ZNF638: variants seen among roughly 807,000 people sequenced by gnomAD.
ZNF638 encodes the protein CTCL tumor antigen se33-1.
In ZNF638, 46 loss-of-function variants were observed where a neutral mutation model predicts 195.6. The observed-to-expected ratio is 0.24, with a 90% confidence interval of 0.19 to 0.30. ZNF638 has a LOEUF of 0.30. Ranked by LOEUF, ZNF638 falls within the 10% of genes least tolerant of loss-of-function variation. ZNF638 has a pLI of 1.00. For missense variants in ZNF638, 2,440 were observed against 2,325.3 expected, an observed-to-expected ratio of 1.05 and a Z score of -1.01; for synonymous variants, 845 against 772.0, an observed-to-expected ratio of 1.09 and a Z score of -1.57.
At chr2:71,399,963 C>G (rs2079972859) in intron 13 of ZNF638, 149 bp from the exon 14 acceptor site, 7 of 603,306 alleles carry the variant, frequency 1.2e-5, no homozygotes, top group Non-Finnish European at 1.6e-5. Context: ...GGATTGCTGT[C>G]TTTTGTTTTT....
chr2:71,404,131 C>G, intron 17 of ZNF638, 133 bp downstream of exon 17: 1 of 852,922 alleles, frequency 1.2e-6, no homozygotes, highest in South Asian at 2.0e-5. Flanking sequence ...TCTTCCTGTC[C>G]CTCCAACAAT....
At chr2:71,333,152 T>G (rs546765022) in intron 1 of ZNF638, 1 of 152,324 alleles carries the variant, frequency 6.6e-6, no homozygotes, top group South Asian at 2.1e-4. Context: ...TTGTTAATGA[T>G]TAGACATTTG....
Position 71,408,259 on chromosome 2 carries a change from C to T in ZNF638, c.3261+12C>T. On this transcript the variant is annotated intron_variant, in intron 20 of 27. Coordinates refer to ENST00000264447, the MANE Select transcript of ZNF638 (RefSeq NM_014497.5). ...TAGACTTACCAGAGGTAAGATTTAT[C>T]TTTCTTCAGCTTTTGTGATTTTAGA... The T allele has an allele frequency of 6.2e-7, 1 of 1,603,158 alleles. No individual in the cohort carries two copies. Among genetic ancestry groups the T allele is most frequent in the Non-Finnish European group, 8.5e-7 (1 of 1,176,550 alleles).
At chr2:71,429,513 A>G (rs1375387731) in intron 25 of ZNF638, among the ~76,000 whole-genome samples, 1 of 152,160 alleles carries the variant, frequency 6.6e-6, no homozygotes, top group Middle Eastern at 3.2e-3. Flanking sequence ...CTGCCAACTT[A>G]TATTTTGTTT....
intron 10 of ZNF638, chr2:71,395,760 G>A (rs2079880073): frequency 2.6e-6 from 1 of 387,580 alleles, no homozygotes; most frequent in Non-Finnish European, 4.8e-6. Context: ...CAAAATACCT[G>A]TGTCTGTGTA....
At position 71,349,303 on chromosome 2, in the gene ZNF638, A is replaced by G; in HGVS notation, c.349A>G (p.Lys117Glu). 6.2e-6 allele frequency: 10 copies of G among 1,614,198 alleles called. No homozygotes were observed. The highest frequency in any genetic ancestry group is 8.5e-6 in the Non-Finnish European group (10 of 1,180,028). ...TCATATATCTGCATCAGTGGCAGTG[A>G]AACAGAGTTCTGTAACACAGGTTAC... Reference protein sequence around the residue: ...EPHISASVAVKQSSVTQVTEQ... With the variant: ...EPHISASVAVEQSSVTQVTEQ... Residue 117 changes from lysine to glutamate, a missense_variant, in exon 2 of 28, where the codon AAA becomes GAA. By Grantham distance (56) the Lys-to-Glu change is moderately conservative. This residue lies in a region of ZNF638 where 191 missense variants were observed against 173.8 expected (regional missense o/e 1.10). Coordinates refer to ENST00000264447, the MANE Select transcript of ZNF638 (RefSeq NM_014497.5).
rs541380154 is a variant in ZNF638, at chr2:71,386,130, C to G, written c.2377+5565C>G. Among the ~76,000 whole-genome samples the G allele has an allele frequency of 1.3e-3, 192 of 151,940 alleles. 1 individual carries two copies. The highest frequency in any genetic ancestry group is 4.6e-3 in the African/African-American group (192 of 41,452). Reference sequence around the variant, plus strand: ...TTAGCATGGGCATCATAGTGAGACCCAGTCTGTATCAGAAATTAAGAAGTT... The same window carrying G: ...TTAGCATGGGCATCATAGTGAGACCGAGTCTGTATCAGAAATTAAGAAGTT... On this transcript the variant is annotated intron_variant, in intron 10 of 27. Coordinates refer to ENST00000264447, the MANE Select transcript of ZNF638 (RefSeq NM_014497.5).
intron 23 of ZNF638, 112 bp downstream of exon 23, chr2:71,424,827 A>C (rs2080505099): frequency 1.3e-6 from 1 of 768,166 alleles, no homozygotes; most frequent in Admixed American, 3.0e-5. Flanking sequence ...AGTTTAGAGC[A>C]AGGGATAGGA....
At position 71,434,772 on chromosome 2, in the gene ZNF638, G is replaced by A; in HGVS notation, c.5902G>A (p.Glu1968Lys). The part of the protein sequence containing the change: ...KFMAKQRKEK[E>K]QNEAEERSSR ...CATGGCCAAGCAAAGAAAGGAAAAGGAGCAGAATGAGGCTGAAGAAAGAAG... is the reference window on the plus strand; with the variant it reads ...CATGGCCAAGCAAAGAAAGGAAAAGAAGCAGAATGAGGCTGAAGAAAGAAG... Residue 1968 changes from glutamate (E) to lysine (K), a missense_variant, in exon 28 of 28, where the codon GAG becomes AAG. Glu to Lys is a moderately conservative substitution (Grantham distance 56). Around this residue, in one of 5 missense-constraint regions of ZNF638, gnomAD observed 1,883 missense variants for 1,739.1 expected, o/e 1.08. Transcript: ENST00000264447. 1 of 1,612,026 alleles carries A rather than the reference G, an allele frequency of 6.2e-7. No individual in the cohort carries two copies. The highest frequency in any genetic ancestry group is 1.1e-5 in the South Asian group (1 of 90,522).
At chr2:71,332,640 C>G (rs1245622388) in intron 1 of ZNF638, among the ~76,000 whole-genome samples, 1 of 152,208 alleles carries the variant, frequency 6.6e-6, no homozygotes, top group East Asian at 1.9e-4. Context: ...TAGCTTGGGC[C>G]CCGTTCTCTT....
intron 1 of ZNF638, among the ~76,000 whole-genome samples, chr2:71,338,224 A>T (rs2078704782): frequency 6.6e-6 from 1 of 152,194 alleles, no homozygotes; most frequent in South Asian, 2.1e-4. Flanking sequence ...ACACCCACTC[A>T]TGATTCTTAC....
intron 8 of ZNF638, chr2:71,376,308 A>T (rs933093973): frequency 6.6e-6 from 1 of 152,236 alleles, no homozygotes; most frequent in African/African-American, 2.4e-5. Context: ...TGACAGAGCA[A>T]CATGCCTAGG....
intron 3 of ZNF638, among the ~76,000 whole-genome samples, chr2:71,359,835 TTC>T (rs2079080096): frequency 6.6e-6 from 1 of 152,214 alleles, no homozygotes; most frequent in Admixed American, 6.5e-5. Context: ...TTGTGGCTTA[TTC>T]TCTCTGGCTT....
At chr2:71,397,893 A>C (rs1180797225) in intron 11 of ZNF638, among the ~76,000 whole-genome samples, 1 of 152,232 alleles carries the variant, frequency 6.6e-6, no homozygotes, top group Non-Finnish European at 1.5e-5. Context: ...CTGTACAGCT[A>C]GGAAACTGTA....
At chr2:71,345,058 A>G (rs2078827515) in intron 1 of ZNF638, among the ~76,000 whole-genome samples, 1 of 152,208 alleles carries the variant, frequency 6.6e-6, no homozygotes, top group African/African-American at 2.4e-5. Context: ...ATAGGTGAGT[A>G]TGGTATGAGA....
intron 2 of ZNF638, among the ~76,000 whole-genome samples, chr2:71,351,445 A>G (rs1254040251): frequency 6.6e-6 from 1 of 152,210 alleles, no homozygotes; most frequent in African/African-American, 2.4e-5. Flanking sequence ...CTTACAAGGG[A>G]AAGTCTTAGA....
chr2:71,428,432 A>T, intron 24 of ZNF638, 115 bp from the exon 25 acceptor site: 1 of 715,810 alleles, frequency 1.4e-6, no homozygotes, highest in South Asian at 2.5e-5. Context: ...TCCCTCCCAA[A>T]TTTGGGTATT....
rs781385580 is a variant in ZNF638, at chr2:71,427,158, G to A, written c.5289G>A (p.Ala1763=). 21 of 1,612,484 alleles carry A rather than the reference G, an allele frequency of 1.3e-5. No homozygotes were observed. Among genetic ancestry groups the A allele is most frequent in the African/African-American group, 5.3e-5 (4 of 74,848 alleles). Residue 1763 remains alanine (A), a synonymous_variant, in exon 24 of 28, where the codon GCG becomes GCA. Transcript: ENST00000264447. ...EVTEEDEDSL[A]DFNNLKEELN... is the part of the protein sequence containing the mutation. Reference sequence around the variant, plus strand: ...CTGAAGAGGATGAAGACTCTCTGGCGGATTTTAACAACCTTAAAGAAGAGC... The same window carrying A: ...CTGAAGAGGATGAAGACTCTCTGGCAGATTTTAACAACCTTAAAGAAGAGC...
intron 1 of ZNF638, among the ~76,000 whole-genome samples, chr2:71,332,464 C>T (rs186111249): frequency 3.3e-5 from 5 of 152,102 alleles, no homozygotes; most frequent in Admixed American, 1.3e-4. Context: ...AGCGGCTTTT[C>T]CGGGCTGGTG....
Sources: allele counts gnomAD v4.1 joint callset (sites outside exome capture counted in the v4.1 genomes callset), GRCh38; gene constraint gnomAD v4.1.1; regional missense constraint gnomAD v4.1.1; transcripts MANE v1.5; gene names NCBI Gene and HGNC (gene_info 2026-07-23, HGNC 2026-07-21).